EPHB2: variants seen among roughly 807,000 people sequenced by gnomAD.
EPHB2 encodes ephrin type-B receptor 2.
EPHB2 carries 18 observed loss-of-function variants against 96.4 expected under a neutral mutation model. The observed-to-expected ratio is 0.19, with a 90% CI of 0.13 to 0.28. The LOEUF is 0.28. EPHB2 is among the 10% of genes least tolerant of loss of function. The pLI is 1.00. For missense variants in EPHB2, 989 were observed against 1,355.4 expected (o/e 0.73, Z 4.25); for synonymous variants, 506 against 534.1 (o/e 0.95, Z 0.72).
chr1:22,738,443 G>A (rs1194719347), intron 1 of EPHB2, among the ~76,000 whole-genome samples: 1 of 152,222 alleles, frequency 6.6e-6, no homozygotes, highest in Non-Finnish European at 1.5e-5. Flanking sequence ...ACCCATAGGA[G>A]CTTCCTAATG....
intron 1 of EPHB2, among the ~76,000 whole-genome samples, chr1:22,734,259 A>G (rs1459259505): frequency 6.6e-6 from 1 of 152,118 alleles, no homozygotes; most frequent in Non-Finnish European, 1.5e-5. Flanking sequence ...CAGCCCATGC[A>G]CAGCCCAGTG....
At chr1:22,825,606 A>T (rs1289144327) in intron 3 of EPHB2, among the ~76,000 whole-genome samples, 1 of 152,224 alleles carries the variant, frequency 6.6e-6, no homozygotes, top group Non-Finnish European at 1.5e-5. Flanking sequence ...GAACCCCCTC[A>T]TGCGTTGGCC....
At position 22,858,669 on chromosome 1, in the gene EPHB2, C is replaced by T. The variant is rs1412289111; in HGVS notation, c.812-4368C>T. 1.3e-5 allele frequency among the ~76,000 whole-genome samples: 2 copies of T among 152,148 alleles called. No individual in the cohort carries two copies. Among genetic ancestry groups the T allele is most frequent in the African/African-American group, 2.4e-5 (1 of 41,442 alleles). On this transcript the variant is annotated intron_variant, in intron 3 of 15. Transcript: ENST00000374630. This position sits in a 1 kb window ranked among gnomAD's most constrained non-coding sequence, Gnocchi z 7.7. The stretch of plus-strand genomic sequence containing the variant: ...CCAGAAGTTGGGAGTGGTGTGGCCC[C>T]CCGGGCACTGTGGGCAGTGGCCACC...
intron 1 of EPHB2, among the ~76,000 whole-genome samples, chr1:22,729,470 C>T (rs1643655296): frequency 6.6e-6 from 1 of 152,214 alleles, no homozygotes; most frequent in African/African-American, 2.4e-5. Flanking sequence ...CTTCCTTGGC[C>T]CATAGGCCCT....
At position 22,882,461 on chromosome 1, in the gene EPHB2, A is replaced by G; in HGVS notation, c.1406A>G (p.Tyr469Cys). The G allele has an allele frequency of 6.2e-7, 1 of 1,614,118 alleles. No individual in the cohort carries two copies. ...PDQPNGVILD[Y>C]ELQYYEKELS... ...CAGCCCAATGGCGTGATCCTGGACT[A>G]TGAGCTGCAGTACTATGAGAAGGTA... The change falls in exon 6 of 16, where the codon TAT becomes TGT. Residue 469 changes from tyrosine to cysteine, a missense_variant. Transcript: ENST00000374630.
Position 22,920,918 on chromosome 1 carries a change from G to C in EPHB2, c.*7348G>C, listed in dbSNP as rs955144787. The stretch of plus-strand genomic sequence containing the variant: ...ATTATTACTCCCATTCCACAGACTA[G>C]CAAACTCAGAGACGTGACATGGTGG... On this transcript the variant is annotated 3_prime_UTR_variant, in exon 16 of 16. Coordinates refer to ENST00000374630, the MANE Select transcript of EPHB2 (RefSeq NM_017449.5). The C allele has an allele frequency of 6.6e-6, 1 of 152,180 alleles. No individual in the cohort carries two copies. Among genetic ancestry groups the C allele is most frequent in the African/African-American group, 2.4e-5 (1 of 41,432 alleles). 9.4% of individuals were successfully genotyped at this position (152,180 alleles called of 1,614,324 possible). A position where few individuals can be genotyped will look rare whatever the true frequency, so the allele number is the denominator to read the frequency against.
At chr1:22,826,220 C>T (rs1418447753) in intron 3 of EPHB2, among the ~76,000 whole-genome samples, 2 of 152,150 alleles carry the variant, frequency 1.3e-5, no homozygotes, top group Non-Finnish European at 2.9e-5. Flanking sequence ...GTGTGACCTC[C>T]AGAAGCATAG....
chr1:22,806,888 C>G (rs954332686), intron 3 of EPHB2, among the ~76,000 whole-genome samples: 34 of 152,262 alleles, frequency 2.2e-4, no homozygotes, highest in Middle Eastern at 6.8e-3. Flanking sequence ...GTGGGCCCCC[C>G]CTCGTCACCA....
At chr1:22,814,287 T>C (rs1645042337) in intron 3 of EPHB2, among the ~76,000 whole-genome samples, 1 of 152,212 alleles carries the variant, frequency 6.6e-6, no homozygotes, top group Non-Finnish European at 1.5e-5. Flanking sequence ...GTGAGGCTAG[T>C]AGGGCACTGG....
chr1:22,759,604 G>A (rs879906402), intron 1 of EPHB2, among the ~76,000 whole-genome samples: 3 of 152,124 alleles, frequency 2.0e-5, no homozygotes, highest in Non-Finnish European at 4.4e-5. Flanking sequence ...TTAGGACTGC[G>A]CTGTTGCCTT....
chr1:22,711,737 G>C (rs900219484), intron 1 of EPHB2, among the ~76,000 whole-genome samples: 2 of 152,232 alleles, frequency 1.3e-5, no homozygotes, highest in East Asian at 3.9e-4. Flanking sequence ...CGGCCGCGGC[G>C]CTCAGCGTGG....
intron 3 of EPHB2, among the ~76,000 whole-genome samples, chr1:22,827,482 G>T (rs1245351708): frequency 2.0e-5 from 3 of 152,238 alleles, no homozygotes; most frequent in Non-Finnish European, 2.9e-5. Flanking sequence ...ATACATAGTA[G>T]TGGCTTTGCT....
chr1:22,755,614 G>A (rs1272807155), intron 1 of EPHB2, among the ~76,000 whole-genome samples: 1 of 152,168 alleles, frequency 6.6e-6, no homozygotes, highest in African/African-American at 2.4e-5. Context: ...CACTGGGTTT[G>A]AATCCTCGCT....
intron 1 of EPHB2, among the ~76,000 whole-genome samples, chr1:22,732,976 G>T (rs1189966622): frequency 6.6e-6 from 1 of 152,162 alleles, no homozygotes; most frequent in Non-Finnish European, 1.5e-5. Context: ...TGCCCAAGTG[G>T]ATTTTTTCCT....
intron 1 of EPHB2, among the ~76,000 whole-genome samples, chr1:22,754,799 G>T (rs1440937869): frequency 2.1e-5 from 1 of 47,038 alleles, no homozygotes; most frequent in Admixed American, 2.4e-4. Context: ...GGTCGACAGG[G>T]GAGGTGAGAG....
intron 3 of EPHB2, among the ~76,000 whole-genome samples, chr1:22,859,305 G>GA (rs1645755649): frequency 6.7e-6 from 1 of 149,172 alleles, no homozygotes; most frequent in East Asian, 2.0e-4. Flanking sequence ...GGTGGGGGGG[G>GA]GGGTATTGTA....
At chr1:22,731,714 T>G (rs1216669501) in intron 1 of EPHB2, among the ~76,000 whole-genome samples, 1 of 152,056 alleles carries the variant, frequency 6.6e-6, no homozygotes, top group African/African-American at 2.4e-5. Context: ...GTGGCGCGCA[T>G]CTGTAATCCC....
At position 22,858,254 on chromosome 1, in the gene EPHB2, C is replaced by G. The variant is rs563737939; in HGVS notation, c.812-4783C>G. ...GAGGAGGGGGAAGCGTCCAGGAGAC[C>G]ATCAGGACCAACCTCACAGGCCTTG... On this transcript the variant is annotated intron_variant, in intron 3 of 15. Coordinates refer to ENST00000374630, the MANE Select transcript of EPHB2 (RefSeq NM_017449.5). This position sits in a 1 kb window ranked among gnomAD's most constrained non-coding sequence, Gnocchi z 7.7. Among the ~76,000 whole-genome samples, 1 of 152,236 alleles carries G rather than the reference C, an allele frequency of 6.6e-6. No individual in the cohort carries two copies. The highest frequency in any genetic ancestry group is 1.9e-4 in the East Asian group (1 of 5,184).
chr1:22,729,643 C>A (rs1010011), intron 1 of EPHB2, among the ~76,000 whole-genome samples: 8,331 of 152,248 alleles, frequency 0.055, 610 homozygotes, highest in African/African-American at 0.17. Flanking sequence ...TTCCCTTATC[C>A]TTGGATAACT....
Sources: allele counts gnomAD v4.1 joint callset (sites outside exome capture counted in the v4.1 genomes callset), GRCh38; gene constraint gnomAD v4.1.1; non-coding constraint Gnocchi (gnomAD v3.1); transcripts MANE v1.5; gene names NCBI Gene and HGNC (gene_info 2026-07-23, HGNC 2026-07-21).